SCAMP1: variants seen among roughly 807,000 people sequenced by gnomAD.
SCAMP1 encodes secretory carrier-associated membrane protein 1.
A neutral mutation model predicts 41.8 loss-of-function variants in SCAMP1; 15 were observed. The ratio of observed to expected loss-of-function variants is 0.36; its 90% CI spans 0.24 to 0.55. The LOEUF (loss-of-function observed/expected upper bound fraction) is 0.55. Among genes scored for constraint, SCAMP1 ranks in the 20% least tolerant of loss-of-function variants. The pLI is 0.86. For missense variants in SCAMP1, 341 were observed against 412.6 expected (o/e 0.83, Z 1.50); for synonymous variants, 135 against 136.8 (o/e 0.99, Z 0.09).
chr5:78,398,382 T>TTTTGG (rs1751708679), intron 2 of SCAMP1, among the ~76,000 whole-genome samples: 1 of 95,098 alleles, frequency 1.1e-5, no homozygotes, highest in Non-Finnish European at 2.1e-5. Context: ...TTTTTTTTTT[T>TTTTGG]GAGACAGGGT....
intron 7 of SCAMP1, among the ~76,000 whole-genome samples, chr5:78,456,198 T>C (rs6889017): frequency 0.8 from 95,439 of 119,170 alleles, 38,776 homozygotes; most frequent in East Asian, 0.91. Flanking sequence ...AAAGTTAATA[T>C]TGTTATGTGT....
chr5:78,446,882 A>G (rs1348126842), intron 6 of SCAMP1, among the ~76,000 whole-genome samples: 5 of 152,182 alleles, frequency 3.3e-5, no homozygotes, highest in African/African-American at 9.7e-5. Flanking sequence ...ACTCAGGGGA[A>G]ATGGCTGATT....
intron 5 of SCAMP1, 23 bp downstream of exon 5, chr5:78,418,926 C>G: frequency 6.5e-7 from 1 of 1,536,058 alleles, no homozygotes; most frequent in Admixed American, 2.2e-5. Flanking sequence ...CAATTTACAT[C>G]TTTGCTTAGA....
intron 2 of SCAMP1, among the ~76,000 whole-genome samples, chr5:78,407,571 G>C (rs1389788219): frequency 6.7e-6 from 1 of 148,386 alleles, no homozygotes; most frequent in Non-Finnish European, 1.5e-5. Context: ...TTAGGGTTTT[G>C]AATCTGAGAA....
At position 78,477,129 on chromosome 5, in the gene SCAMP1, A is replaced by G. The variant is rs1437399038; in HGVS notation, c.*1461A>G. On this transcript the variant is annotated 3_prime_UTR_variant, in exon 9 of 9. Coordinates refer to ENST00000621999, the MANE Select transcript of SCAMP1 (RefSeq NM_004866.6). Reference sequence around the variant, plus strand: ...AAAAATCAGATAGGCATAAATAGTTAAATCACTTTCATTCTCCCCAAACCT... The same window carrying G: ...AAAAATCAGATAGGCATAAATAGTTGAATCACTTTCATTCTCCCCAAACCT... 6.6e-6 allele frequency: 1 copy of G among 152,154 alleles called. No homozygotes were observed. Among genetic ancestry groups the G allele is most frequent in the Non-Finnish European group, 1.5e-5 (1 of 67,988 alleles). The allele number at this position is 152,154 out of a possible 1,614,324, so 9.4% of individuals were successfully genotyped here.
At chr5:78,427,712 CTT>C (rs753005728) in intron 6 of SCAMP1, among the ~76,000 whole-genome samples, 3 of 152,046 alleles carry the variant, frequency 2.0e-5, no homozygotes, top group Non-Finnish European at 4.4e-5. Flanking sequence ...CATCTTTTGT[CTT>C]TTGATTATTG....
Position 78,430,217 on chromosome 5 carries a change from AGT to A in SCAMP1, c.632+8258_632+8259del, listed in dbSNP as rs1752580522. On this transcript the variant is annotated intron_variant, in intron 6 of 8. Coordinates refer to ENST00000621999, the MANE Select transcript of SCAMP1 (RefSeq NM_004866.6). ...AAATACAGTATTTATTTATAAATAC[AGT>A]ATTTATTTATAAATACAGTATTTAT... Among the ~76,000 whole-genome samples, 12 of 52,024 alleles carry A rather than the reference AGT, an allele frequency of 2.3e-4. 5 individuals are homozygous for A. The highest frequency in any genetic ancestry group is 1.5e-3 in the African/African-American group (12 of 7,948). The allele number at this position is 52,024 out of a possible 152,430, so 34.1% of individuals were successfully genotyped here. A position where few individuals can be genotyped will look rare whatever the true frequency, so the allele number is the denominator to read the frequency against.
chr5:78,409,157 T>C (rs986310768), intron 2 of SCAMP1, among the ~76,000 whole-genome samples: 8 of 152,178 alleles, frequency 5.3e-5, no homozygotes, highest in African/African-American at 1.9e-4. Flanking sequence ...GATGGATCAC[T>C]AGTAATTTGG....
At chr5:78,403,152 T>C (rs1053135024) in intron 2 of SCAMP1, among the ~76,000 whole-genome samples, 1 of 152,234 alleles carries the variant, frequency 6.6e-6, no homozygotes, top group Non-Finnish European at 1.5e-5. Flanking sequence ...ATTACAGGCA[T>C]GAGCCATTGT....
chr5:78,472,577 A>G (rs1160501583), intron 8 of SCAMP1, among the ~76,000 whole-genome samples: 2 of 152,092 alleles, frequency 1.3e-5, no homozygotes, highest in African/African-American at 4.8e-5. Flanking sequence ...CCTGAAATCA[A>G]GAATCCACCC....
intron 7 of SCAMP1, among the ~76,000 whole-genome samples, chr5:78,457,154 T>C (rs1048120585): frequency 9.3e-5 from 14 of 151,094 alleles, no homozygotes; most frequent in Non-Finnish European, 2.1e-4. Context: ...CTCAGAGTAA[T>C]TTGATCGTCT....
intron 1 of SCAMP1, chr5:78,360,947 T>C (rs4634329): frequency 0.94 from 509,076 of 540,744 alleles, 241,007 homozygotes; most frequent in Middle Eastern, 0.97. Context: ...TCGTGCCCGG[T>C]CGCCCTTCCA....
intron 6 of SCAMP1, among the ~76,000 whole-genome samples, chr5:78,447,668 A>T (rs1210629969): frequency 2.0e-5 from 3 of 152,198 alleles, no homozygotes; most frequent in Non-Finnish European, 2.9e-5. Flanking sequence ...GGAAAAAAAA[A>T]ATCTTTGCAT....
rs576953898 is a variant in SCAMP1, at chr5:78,431,207, A to G, written c.632+9247A>G. Reference sequence around the variant, plus strand: ...AATTAACACTCCTGCATGCACTTGAAAGAATATATAGCCTGCTCTTGTTGG... The same window carrying G: ...AATTAACACTCCTGCATGCACTTGAGAGAATATATAGCCTGCTCTTGTTGG... On this transcript the variant is annotated intron_variant, in intron 6 of 8. Transcript: ENST00000621999. Among the ~76,000 whole-genome samples the G allele has an allele frequency of 2.0e-5, 3 of 152,188 alleles. No homozygotes were observed. In the East Asian group the frequency reaches 5.8e-4, roughly 29 times the overall value.
intron 6 of SCAMP1, among the ~76,000 whole-genome samples, chr5:78,424,482 C>T (rs1272106669): frequency 6.6e-6 from 1 of 152,122 alleles, no homozygotes; most frequent in African/African-American, 2.4e-5. Context: ...GTAATCCCAG[C>T]ACTTTGGGAG....
intron 5 of SCAMP1, among the ~76,000 whole-genome samples, chr5:78,419,940 A>C (rs1752300235): frequency 6.6e-6 from 1 of 152,190 alleles, no homozygotes; most frequent in Non-Finnish European, 1.5e-5. Context: ...TATATTTTTA[A>C]TATTAAATGT....
chr5:78,392,494 A>T (rs1398087555), intron 2 of SCAMP1, among the ~76,000 whole-genome samples: 1 of 152,270 alleles, frequency 6.6e-6, no homozygotes, highest in African/African-American at 2.4e-5. Context: ...AAAATTACAC[A>T]GACACAAAGA....
chr5:78,409,828 A>C (rs144687115), intron 2 of SCAMP1, among the ~76,000 whole-genome samples: 157 of 152,258 alleles, frequency 1.0e-3, no homozygotes, highest in Non-Finnish European at 1.9e-3. Flanking sequence ...GTAATACAGC[A>C]TTTATAGCAA....
chr5:78,364,437 G>T (rs1750742704), intron 1 of SCAMP1, among the ~76,000 whole-genome samples: 1 of 152,000 alleles, frequency 6.6e-6, no homozygotes, highest in African/African-American at 2.4e-5. Flanking sequence ...TTCACAGCTG[G>T]GGGGGCAAAT....
Sources: gnomAD v4.1 joint callset for allele counts (sites outside exome capture counted in the v4.1 genomes callset) on GRCh38, gnomAD v4.1.1 for gene constraint, MANE v1.5 for transcripts, NCBI Gene and HGNC (gene_info 2026-07-23, HGNC 2026-07-21) for gene names.